The following CAPN7 variants were observed in gnomAD, a reference collection of about 807,000 sequenced individuals.
CAPN7 encodes calpain-7.
Under a neutral mutation model 115.2 loss-of-function variants are expected in CAPN7, and 72 were observed. That is an observed-to-expected ratio of 0.63 (90% CI 0.52 to 0.76). The LOEUF is 0.76. Ranked by LOEUF, CAPN7 falls within the 30% of genes least tolerant of loss-of-function variation. The pLI is 0.00. For missense variants in CAPN7, 905 were observed against 971.5 expected, an observed-to-expected ratio of 0.93 and a Z score of 0.91; for synonymous variants, 344 against 322.3, an observed-to-expected ratio of 1.07 and a Z score of -0.72.
At chr3:15,223,605 T>G in intron 6 of CAPN7, 44 bp downstream of exon 6, 1 of 1,142,236 alleles carries the variant, frequency 8.8e-7, no homozygotes, top group Non-Finnish European at 1.3e-6. Context: ...TATTTTAACT[T>G]TTCAGTACTC....
At chr3:15,227,659 G>A (rs1165039637) in intron 6 of CAPN7, among the ~76,000 whole-genome samples, 180 bp from the exon 7 acceptor site, 1 of 151,900 alleles carries the variant, frequency 6.6e-6, no homozygotes, top group Non-Finnish European at 1.5e-5. Context: ...TTTAATTGGA[G>A]GGGATGATCA....
intron 2 of CAPN7, among the ~76,000 whole-genome samples, chr3:15,213,306 A>G (rs1233166907): frequency 2.6e-5 from 4 of 152,162 alleles, no homozygotes; most frequent in Admixed American, 6.5e-5. Context: ...TTTCATAGAT[A>G]GTTTTCTTCA....
In CAPN7 at chr3:15,224,146, G is replaced by A. The variant is rs550184712; in HGVS notation, c.725+585G>A. Reference sequence around the variant, plus strand: ...TGAAACAAACTGGCAATATGGGAATGATTAAATAATAGTACATCTATACAG... The same window carrying A: ...TGAAACAAACTGGCAATATGGGAATAATTAAATAATAGTACATCTATACAG... On this transcript the variant is annotated intron_variant, in intron 6 of 20. Transcript: ENST00000253693. 2.6e-5 allele frequency among the ~76,000 whole-genome samples: 4 copies of A among 151,864 alleles called. No individual in the cohort carries two copies. In the East Asian group the frequency reaches 7.7e-4, roughly 29 times the overall value.
chr3:15,245,402 A>G (rs968904923), intron 16 of CAPN7, 124 bp from the exon 17 acceptor site: 23 of 822,328 alleles, frequency 2.8e-5, no homozygotes, highest in Admixed American at 7.8e-5. Flanking sequence ...CACTAATATC[A>G]TTATATTTTA....
At chr3:15,213,969 C>T (rs1559385470) in intron 2 of CAPN7, among the ~76,000 whole-genome samples, 2 of 151,696 alleles carry the variant, frequency 1.3e-5, no homozygotes, top group Admixed American at 6.6e-5. Context: ...CAAGTTCCGC[C>T]TCCGGGGTTC....
intron 10 of CAPN7, among the ~76,000 whole-genome samples, chr3:15,232,883 G>C (rs995252313): frequency 2.6e-5 from 4 of 152,140 alleles, no homozygotes; most frequent in African/African-American, 9.7e-5. Context: ...GGGATACAAG[G>C]CCAATTATAA....
Position 15,240,741 on chromosome 3 carries a change from T to C in CAPN7, c.1553-13T>C. The C allele has an allele frequency of 6.3e-7, 1 of 1,590,260 alleles. No individual in the cohort carries two copies. The highest frequency in any genetic ancestry group is 8.6e-7 in the Non-Finnish European group (1 of 1,162,348). ...TAAGATTTTTTTAGATTAACAAAGA[T>C]ATTAATTTTCAGGAATATTTTGGAT... On this transcript the variant is annotated splice_polypyrimidine_tract_variant and intron_variant, in intron 13 of 20. Coordinates refer to ENST00000253693, the MANE Select transcript of CAPN7 (RefSeq NM_014296.3).
chr3:15,228,150 T>A lies in CAPN7; in HGVS notation c.852+185T>A, dbSNP rs201287819. 7.9e-5 allele frequency among the ~76,000 whole-genome samples: 12 copies of A among 152,316 alleles called. No homozygotes were observed. In the East Asian group the frequency reaches 2.3e-3, roughly 29 times the overall value. ...GATAATATAAGTATAAATCACTGTT[T>A]TGAGTGATTACAGATTTTTATGTGG... On this transcript the variant is annotated intron_variant, in intron 7 of 20. Coordinates refer to ENST00000253693, the MANE Select transcript of CAPN7 (RefSeq NM_014296.3).
At chr3:15,233,841 A>C (rs886092777) in intron 10 of CAPN7, 26 bp from the exon 11 acceptor site, 1 of 1,179,140 alleles carries the variant, frequency 8.5e-7, no homozygotes, top group Non-Finnish European at 1.3e-6. Context: ...TGACACTGGC[A>C]GTCCTGAAAT....
In CAPN7 at chr3:15,233,891, GGCTGGATACCA is replaced by G; in HGVS notation, c.1206_1216del (p.Trp403LysfsTer8). On this transcript the variant is annotated frameshift_variant, in exon 11 of 21. Transcript: ENST00000253693. LOFTEE classifies it high-confidence loss of function. ...GAATATTGATCTTCATGCACTGACT[GGCTGGATACCA>G]GAAAGAATTGCTATGCATTCAGATA... 1 of 1,602,156 alleles carries G rather than the reference GGCTGGATACCA, an allele frequency of 6.2e-7. No individual in the cohort carries two copies. Among genetic ancestry groups the G allele is most frequent in the Non-Finnish European group, 8.5e-7 (1 of 1,170,316 alleles).
At position 15,229,079 on chromosome 3, in the gene CAPN7, T is replaced by C. The variant is rs553099008; in HGVS notation, c.938+20T>C. 2 of 1,556,380 alleles carry C rather than the reference T, an allele frequency of 1.3e-6. No individual in the cohort carries two copies. Among genetic ancestry groups the C allele is most frequent in the East Asian group, 2.2e-5 (1 of 44,572 alleles). On this transcript the variant is annotated intron_variant, in intron 8 of 20. Transcript: ENST00000253693. ...TACCGGGTAAAAATGTGTCTCTCTT[T>C]ACCTCTTTTTGTGTAATTGTCCCTT...
At chr3:15,226,348 AC>A (rs1559396182) in intron 6 of CAPN7, among the ~76,000 whole-genome samples, 1 of 152,242 alleles carries the variant, frequency 6.6e-6, no homozygotes, top group African/African-American at 2.4e-5. Context: ...TGCTGGGATT[AC>A]AGGCATGAGC....
At chr3:15,226,080 A>G (rs1694296566) in intron 6 of CAPN7, among the ~76,000 whole-genome samples, 1 of 150,116 alleles carries the variant, frequency 6.7e-6, no homozygotes, top group Non-Finnish European at 1.5e-5. Context: ...AAGTTTTTTT[A>G]TTTTTTATTT....
chr3:15,231,690 C>T (rs1041150418), intron 9 of CAPN7, among the ~76,000 whole-genome samples: 20 of 151,986 alleles, frequency 1.3e-4, no homozygotes, highest in African/African-American at 3.6e-4. Context: ...CCACCACGCC[C>T]GGCTAATTTT....
chr3:15,247,254 TGGAAA>T, intron 18 of CAPN7, 68 bp from the exon 19 acceptor site: 1 of 1,026,426 alleles, frequency 9.7e-7, no homozygotes, highest in Non-Finnish European at 1.3e-6. Flanking sequence ...TTTTTTGAGA[TGGAAA>T]GGAGTTTTGT....
chr3:15,212,293 T>C lies in CAPN7; in HGVS notation c.211+81T>C, dbSNP rs545290312. 1.4e-5 allele frequency: 10 copies of C among 722,316 alleles called. No individual in the cohort carries two copies. The South Asian group carries it at 2.1e-4, about 15-fold the overall frequency. The allele number at this position is 722,316 out of a possible 1,614,324, so 44.7% of individuals were successfully genotyped here. A position where few individuals can be genotyped will look rare whatever the true frequency, so the allele number is the denominator to read the frequency against. Reference sequence around the variant, plus strand: ...CTTTCCCCCATGTTTGTTTCTCTTCTTCATTTTTATCTTTGAATCTTGATG... The same window carrying C: ...CTTTCCCCCATGTTTGTTTCTCTTCCTCATTTTTATCTTTGAATCTTGATG... On this transcript the variant is annotated intron_variant, in intron 2 of 20. Transcript: ENST00000253693.
In CAPN7 at chr3:15,233,945, G is replaced by T. The variant is rs1694840348; in HGVS notation, c.1258G>T (p.Asp420Tyr). The T allele has an allele frequency of 1.3e-6, 2 of 1,590,090 alleles. No individual in the cohort carries two copies. The highest frequency in any genetic ancestry group is 8.6e-7 in the Non-Finnish European group (1 of 1,160,772). ...MHSDSQTFSKDNSFRMLYQRF... is the reference protein window; with the variant it reads ...MHSDSQTFSKYNSFRMLYQRF... ...TTCAGATAGCCAAACTTTCAGTAAGGATAATTCTTTCAGAATGCTTTATCA... is the reference window on the plus strand; with the variant it reads ...TTCAGATAGCCAAACTTTCAGTAAGTATAATTCTTTCAGAATGCTTTATCA... Residue 420 changes from aspartate (D) to tyrosine (Y), a missense_variant, in exon 11 of 21, where the codon GAT (aspartate) becomes TAT (tyrosine). This residue lies in a region of CAPN7 where 620 missense variants were observed against 703.4 expected (regional missense o/e 0.88). Transcript: ENST00000253693.
chr3:15,233,543 A>C (rs950484726), intron 10 of CAPN7, among the ~76,000 whole-genome samples: 1 of 152,214 alleles, frequency 6.6e-6, no homozygotes, highest in African/African-American at 2.4e-5. Flanking sequence ...AACATGAGGA[A>C]CATCATTGCA....
At chr3:15,207,498 C>T (rs1215439830) in intron 1 of CAPN7, among the ~76,000 whole-genome samples, 1 of 151,934 alleles carries the variant, frequency 6.6e-6, no homozygotes, top group Admixed American at 6.6e-5. Flanking sequence ...AATAAACTAA[C>T]CTTAGCTTAC....
Sources: gnomAD v4.1 joint callset for allele counts (sites outside exome capture counted in the v4.1 genomes callset) on GRCh38, gnomAD v4.1.1 for gene constraint, gnomAD v4.1.1 regional missense constraint, MANE v1.5 for transcripts, NCBI Gene and HGNC (gene_info 2026-07-23, HGNC 2026-07-21) for gene names.